RIT2: variants seen among roughly 807,000 people sequenced by gnomAD.
The protein encoded by RIT2 is GTP-binding protein Rit2.
Under a neutral mutation model 23.7 loss-of-function variants are expected in RIT2, and 24 were observed. The ratio of observed to expected loss-of-function variants is 1.01; its 90% confidence interval spans 0.73 to 1.43. RIT2 has a LOEUF of 1.43. Ranked by LOEUF, RIT2 falls within the 40% of genes most tolerant of loss-of-function variation. The pLI is 0.00. For synonymous variants in RIT2, 107 were observed against 91.1 expected (o/e 1.17, Z -0.99); for missense variants, 236 against 266.9 (o/e 0.88, Z 0.81).
chr18:43,108,675 CA>C (rs1385126576), intron 1 of RIT2, among the ~76,000 whole-genome samples: 1 of 152,170 alleles, frequency 6.6e-6, no homozygotes, highest in Non-Finnish European at 1.5e-5. Context: ...TGTTGTCAAT[CA>C]AAGCCTTTCG....
chr18:42,805,210 A>C (rs1243363118), intron 4 of RIT2, among the ~76,000 whole-genome samples: 3 of 152,312 alleles, frequency 2.0e-5, no homozygotes, highest in South Asian at 2.1e-4. Context: ...AACATAAATA[A>C]CTTTTTATGA....
intron 2 of RIT2, among the ~76,000 whole-genome samples, chr18:42,997,345 T>TG (rs1378116798): frequency 2.0e-5 from 3 of 151,326 alleles, no homozygotes; most frequent in East Asian, 1.9e-4. Flanking sequence ...TGACTGCATT[T>TG]GGGGGGGAAG....
chr18:42,804,215 A>T (rs1905614766), intron 4 of RIT2, among the ~76,000 whole-genome samples: 1 of 152,194 alleles, frequency 6.6e-6, no homozygotes, highest in Non-Finnish European at 1.5e-5. Flanking sequence ...TAAATTGTAC[A>T]AGAAAGAACA....
chr18:42,771,158 C>T (rs1046895656), intron 4 of RIT2, among the ~76,000 whole-genome samples: 3 of 151,984 alleles, frequency 2.0e-5, no homozygotes, highest in Admixed American at 1.3e-4. Flanking sequence ...CTAGTTTTCC[C>T]TTCATTATTT....
chr18:42,937,064 A>G (rs1449572573), intron 3 of RIT2, among the ~76,000 whole-genome samples: 1 of 151,978 alleles, frequency 6.6e-6, no homozygotes, highest in Non-Finnish European at 1.5e-5. Context: ...CCACAAACAT[A>G]ACATTTGATC....
chr18:43,099,077 A>G (rs550226248), intron 1 of RIT2, among the ~76,000 whole-genome samples: 33 of 152,066 alleles, frequency 2.2e-4, no homozygotes, highest in Admixed American at 3.9e-4. Context: ...TAACAAATTT[A>G]TTTGGAAAAG....
At chr18:42,775,471 C>T (rs551023269) in intron 4 of RIT2, among the ~76,000 whole-genome samples, 10 of 151,862 alleles carry the variant, frequency 6.6e-5, no homozygotes, top group East Asian at 1.9e-4. Flanking sequence ...CCGAGGCAGG[C>T]GGATCACAAG....
intron 2 of RIT2, among the ~76,000 whole-genome samples, chr18:42,996,564 C>T (rs1215867595): frequency 6.6e-6 from 1 of 152,032 alleles, no homozygotes. Context: ...ATTCCTTCTC[C>T]TGGCTCACCC....
chr18:42,826,356 C>A (rs546078924), intron 4 of RIT2, among the ~76,000 whole-genome samples: 1 of 152,028 alleles, frequency 6.6e-6, no homozygotes, highest in Non-Finnish European at 1.5e-5. Flanking sequence ...TTTATCTCAA[C>A]ATGATAATGT....
chr18:43,091,340 G>C (rs1913418992), intron 1 of RIT2, among the ~76,000 whole-genome samples: 1 of 152,000 alleles, frequency 6.6e-6, no homozygotes, highest in African/African-American at 2.4e-5. Flanking sequence ...ACAGAGACAT[G>C]CTTTATTTTT....
At chr18:42,791,456 A>G (rs1914041788) in intron 4 of RIT2, among the ~76,000 whole-genome samples, 1 of 152,218 alleles carries the variant, frequency 6.6e-6, no homozygotes, top group Non-Finnish European at 1.5e-5. Context: ...ATGCTTTCAT[A>G]ATAAAACTTT....
At chr18:43,052,979 G>A (rs559989491) in intron 1 of RIT2, among the ~76,000 whole-genome samples, 1 of 151,986 alleles carries the variant, frequency 6.6e-6, no homozygotes, top group African/African-American at 2.4e-5. Context: ...AATTAAATGG[G>A]GCCCAGAGAG....
At chr18:43,056,392 G>A (rs534167376) in intron 1 of RIT2, among the ~76,000 whole-genome samples, 1 of 152,038 alleles carries the variant, frequency 6.6e-6, no homozygotes, top group Admixed American at 6.6e-5. Context: ...ACCCAAGATT[G>A]TGCAGACACT....
intron 1 of RIT2, among the ~76,000 whole-genome samples, chr18:43,093,447 T>C (rs1373392308): frequency 6.6e-6 from 1 of 152,078 alleles, no homozygotes; most frequent in Non-Finnish European, 1.5e-5. Flanking sequence ...TTTTTTAAAA[T>C]GTTTATTACT....
intron 4 of RIT2, among the ~76,000 whole-genome samples, chr18:42,912,066 AT>A (rs1331537808): frequency 6.6e-6 from 1 of 151,842 alleles, no homozygotes; most frequent in Non-Finnish European, 1.5e-5. Context: ...TTATAGAAAA[AT>A]ATATATGTAT....
intron 4 of RIT2, among the ~76,000 whole-genome samples, chr18:42,775,497 C>A (rs537315997): frequency 6.6e-6 from 1 of 152,084 alleles, no homozygotes; most frequent in Non-Finnish European, 1.5e-5. Flanking sequence ...GAGATCGAGA[C>A]CATCTTGGCT....
chr18:42,837,529 G>T (rs1906650741), intron 4 of RIT2, among the ~76,000 whole-genome samples: 1 of 152,006 alleles, frequency 6.6e-6, no homozygotes, highest in Non-Finnish European at 1.5e-5. Flanking sequence ...ATCATATGCA[G>T]TTTATGGGCT....
chr18:42,863,541 T>C (rs1169232947), intron 4 of RIT2, among the ~76,000 whole-genome samples: 1 of 152,144 alleles, frequency 6.6e-6, no homozygotes, highest in Non-Finnish European at 1.5e-5. Flanking sequence ...ACGATCTAGA[T>C]AAGAGTAAAC....
At chr18:43,066,279 A>G (rs893216368) in intron 1 of RIT2, among the ~76,000 whole-genome samples, 1 of 152,184 alleles carries the variant, frequency 6.6e-6, no homozygotes, top group African/African-American at 2.4e-5. Flanking sequence ...CATGCTTACA[A>G]TGATTTATGA....
Sources: allele counts gnomAD v4.1 joint callset (sites outside exome capture counted in the v4.1 genomes callset), GRCh38; gene constraint gnomAD v4.1.1; transcripts MANE v1.5; gene names NCBI Gene and HGNC (gene_info 2026-07-23, HGNC 2026-07-21).